The following MFSD12 variants were observed in gnomAD, a reference collection of about 807,000 sequenced individuals.
The protein encoded by MFSD12 is major facilitator superfamily domain containing 12.
MFSD12 carries 67 observed loss-of-function variants against 51.2 expected under a neutral mutation model. The ratio of observed to expected loss-of-function variants is 1.31; its 90% confidence interval spans 1.08 to 1.60. The LOEUF (loss-of-function observed/expected upper bound fraction) is 1.60, where lower values mean the gene tolerates loss of function less well. MFSD12 is among the 40% of genes most tolerant of loss of function. The probability of loss-of-function intolerance (pLI) is 0.00; values close to 1 mark genes in which losing one functional copy is unlikely to be tolerated. For synonymous variants in MFSD12, 441 were observed against 316.7 expected (o/e 1.39, Z -4.17); for missense variants, 921 against 673.0 (o/e 1.37, Z -4.08).
intron 1 of MFSD12, among the ~76,000 whole-genome samples, chr19:3,552,841 G>GT (rs2145216235): frequency 6.6e-6 from 1 of 152,286 alleles, no homozygotes; most frequent in South Asian, 2.1e-4. Flanking sequence ...GCCTGTAAGC[G>GT]TGGGTGTCAT....
In MFSD12 at chr19:3,546,357, C is replaced by T. The variant is rs1439153431; in HGVS notation, c.1092G>A (p.Leu364=). 1 of 1,607,822 alleles carries T rather than the reference C, an allele frequency of 6.2e-7. No individual in the cohort carries two copies. Among genetic ancestry groups the T allele is most frequent in the Non-Finnish European group, 8.5e-7 (1 of 1,177,934 alleles). The change falls in exon 7 of 10, where the codon CTG becomes CTA. Residue 364 remains leucine, a synonymous_variant. Transcript: ENST00000355415. ...CAGCCGCTGCGTACACGGCCACACC[C>T]AGTCCCTCCGCCAGCGCCACCCAGG... ...FAAWVALAEG[L]GVAVYAAAVL...
rs1255606034 is a variant in MFSD12 at position 3,551,573 on chromosome 19, G to A, written c.299-379C>T. ...CGGGAGGCCCAGGTGGGCCTGGGCT[G>A]GACCCCTCCTTAAGCTCCGCCATCC... On this transcript the variant is annotated intron_variant, in intron 1 of 9. Coordinates refer to ENST00000355415, the MANE Select transcript of MFSD12 (RefSeq NM_174983.5). The surrounding 1 kb of genome is among the most constrained non-coding windows in gnomAD (Gnocchi z 4.6). Among the ~76,000 whole-genome samples the A allele has an allele frequency of 6.6e-6, 1 of 152,102 alleles. No individual in the cohort carries two copies. The highest frequency in any genetic ancestry group is 1.9e-4 in the East Asian group (1 of 5,168).
In MFSD12 at chr19:3,538,570, G is replaced by A. The variant is rs150402261; in HGVS notation, c.*192C>T. ...CTGTGTCTGGTGTCTCTCACTGAGCGTGACATCCTCAAGGTGCATCCGCAC... is the reference window on the plus strand; with the variant it reads ...CTGTGTCTGGTGTCTCTCACTGAGCATGACATCCTCAAGGTGCATCCGCAC... On this transcript the variant is annotated 3_prime_UTR_variant, in exon 5 of 5. Coordinates refer to the MFSD12 transcript ENST00000398558. The A allele has an allele frequency of 2.7e-4, 109 of 403,256 alleles. 2 individuals carry two copies. The East Asian group carries it at 4.2e-3, about 16-fold the overall frequency. 25.0% of individuals were successfully genotyped at this position (403,256 alleles called of 1,614,324 possible).
In MFSD12 at chr19:3,551,391, G is replaced by A. The variant is rs1281941061; in HGVS notation, c.299-197C>T. On this transcript the variant is annotated intron_variant, in intron 1 of 9. Coordinates refer to ENST00000355415, the MANE Select transcript of MFSD12 (RefSeq NM_174983.5). This position sits in a 1 kb window ranked among gnomAD's most constrained non-coding sequence, Gnocchi z 4.6. Reference sequence around the variant, plus strand: ...GCCCCTGGTGACAAAAGGGGAATCTGACACCAGGTGCCTGGGCTCAGCCTG... The same window carrying A: ...GCCCCTGGTGACAAAAGGGGAATCTAACACCAGGTGCCTGGGCTCAGCCTG... Among the ~76,000 whole-genome samples, 2 of 152,222 alleles carry A rather than the reference G, an allele frequency of 1.3e-5. No individual in the cohort carries two copies. The highest frequency in any genetic ancestry group is 3.9e-4 in the East Asian group (2 of 5,194).
intron 8 of MFSD12, among the ~76,000 whole-genome samples, 154 bp from the exon 9 acceptor site, chr19:3,545,093 C>A (rs527460845): frequency 6.6e-6 from 1 of 152,140 alleles, no homozygotes; most frequent in Non-Finnish European, 1.5e-5. Context: ...TGTCCCACAC[C>A]CAACAGCTCG....
rs1001473630 is a variant in MFSD12 at position 3,551,639 on chromosome 19, C to T, written c.299-445G>A. Among the ~76,000 whole-genome samples the T allele has an allele frequency of 2.6e-5, 4 of 152,166 alleles. No homozygotes were observed. Among genetic ancestry groups the T allele is most frequent in the Non-Finnish European group, 5.9e-5 (4 of 68,004 alleles). ...GTGACCACTCCCTGGAATGCTGGGGCGTCCTGGCCTCCAGGGACAGTCAGG... is the reference window on the plus strand; with the variant it reads ...GTGACCACTCCCTGGAATGCTGGGGTGTCCTGGCCTCCAGGGACAGTCAGG... On this transcript the variant is annotated intron_variant, in intron 1 of 9. Transcript: ENST00000355415. This position sits in a 1 kb window ranked among gnomAD's most constrained non-coding sequence, Gnocchi z 4.6.
At chr19:3,548,797 GGCAC>G (rs1409198203) in intron 2 of MFSD12, among the ~76,000 whole-genome samples, 1 of 152,226 alleles carries the variant, frequency 6.6e-6, no homozygotes, top group South Asian at 2.1e-4. Context: ...GCAAAGCAAT[GGCAC>G]GTAGGAAGTG....
chr19:3,544,410 A>C lies in MFSD12; in HGVS notation c.*300T>G. ...CTGAGCTCAGGGTTAGGGTTCCCCC[A>C]GACCCTTCTGGGATTCCTACTTCCT... On this transcript the variant is annotated 3_prime_UTR_variant, in exon 10 of 10. Coordinates refer to ENST00000355415, the MANE Select transcript of MFSD12 (RefSeq NM_174983.5). 7.6e-7 allele frequency: 1 copy of C among 1,323,462 alleles called. No homozygotes were observed. The highest frequency in any genetic ancestry group is 2.9e-5 in the East Asian group (1 of 35,028). 82.0% of individuals were successfully genotyped at this position (1,323,462 alleles called of 1,614,324 possible). A position where few individuals can be genotyped will look rare whatever the true frequency, so the allele number is the denominator to read the frequency against.
chr19:3,539,055 A>G, intron 4 of MFSD12: 1 of 665,852 alleles, frequency 1.5e-6, no homozygotes, highest in East Asian at 2.7e-5. Context: ...CCTCGAGGCC[A>G]CCTCACCCCG....
At position 3,546,283 on chromosome 19, in the gene MFSD12, A is replaced by C. The variant is rs1211595924; in HGVS notation, c.1166T>G (p.Met389Arg). ...CATILVTSLA[M>R]TADLIGPHTN... ...GTGGGGACCGATGAGGTCGGCCGTCATGGCCAGCGAGGTGACGAGGATGGT... is the reference window on the plus strand; with the variant it reads ...GTGGGGACCGATGAGGTCGGCCGTCCTGGCCAGCGAGGTGACGAGGATGGT... The change falls in exon 7 of 10, where the codon ATG becomes AGG. Residue 389 changes from methionine (M) to arginine (R), a missense_variant. Physicochemically the swap from Met to Arg is moderately conservative, Grantham distance 91. Coordinates refer to ENST00000355415, the MANE Select transcript of MFSD12 (RefSeq NM_174983.5). 1 of 1,610,660 alleles carries C rather than the reference A, an allele frequency of 6.2e-7. No homozygotes were observed. Among genetic ancestry groups the C allele is most frequent in the Non-Finnish European group, 8.5e-7 (1 of 1,179,152 alleles).
downstream of MFSD12, chr19:3,539,465 G>A: frequency 1.8e-6 from 1 of 562,038 alleles, no homozygotes. Flanking sequence ...CTGGAGACAG[G>A]CCAAGAACAA....
intron 8 of MFSD12, 73 bp from the exon 9 acceptor site, chr19:3,545,012 T>TC: frequency 6.6e-7 from 1 of 1,509,390 alleles, no homozygotes; most frequent in Non-Finnish European, 8.8e-7. Flanking sequence ...AACCTGTGCC[T>TC]CCCCTCACCC....
At chr19:3,550,536 C>T (rs1221517511) in intron 2 of MFSD12, among the ~76,000 whole-genome samples, 9 of 151,980 alleles carry the variant, frequency 5.9e-5, no homozygotes, top group Non-Finnish European at 1.2e-4. Flanking sequence ...GGACTACAGG[C>T]GCCCACCACC....
In MFSD12 at chr19:3,544,284, A is replaced by T; in HGVS notation, c.*426T>A. 1 of 1,292,104 alleles carries T rather than the reference A, an allele frequency of 7.7e-7. No individual in the cohort carries two copies. The allele number at this position is 1,292,104 out of a possible 1,614,324, so 80.0% of individuals were successfully genotyped here. A position where few individuals can be genotyped will look rare whatever the true frequency, so the allele number is the denominator to read the frequency against. On this transcript the variant is annotated 3_prime_UTR_variant, in exon 10 of 10. Transcript: ENST00000355415. ...GCCCACCACGGTGGGGTCCAGGCCC[A>T]GCCCACCACCCCGTGGCTGTCTCCT...
At chr19:3,539,455 C>CT (rs1374049166), downstream of MFSD12, 5 of 572,134 alleles carry the variant, frequency 8.7e-6, no homozygotes, top group Admixed American at 3.0e-5. Flanking sequence ...GGCTACAGAC[C>CT]TGGAGACAGG....
downstream of MFSD12, chr19:3,543,630 G>A (rs764052909): frequency 1.4e-4 from 212 of 1,544,526 alleles, no homozygotes; most frequent in Non-Finnish European, 1.7e-4. Context: ...CCCAGCACCC[G>A]GTGGGGGAGC....
downstream of MFSD12, chr19:3,539,661 T>C (rs2122066172): frequency 5.0e-6 from 1 of 198,772 alleles, no homozygotes. Context: ...CCCCGGTCTC[T>C]GCTTCTGTCT....
chr19:3,557,293 G>T lies in MFSD12; in HGVS notation c.111C>A (p.Ser37=). 6.3e-7 allele frequency: 1 copy of T among 1,595,568 alleles called. No homozygotes were observed. The highest frequency in any genetic ancestry group is 1.1e-5 in the South Asian group (1 of 88,202). ...AGAGCAGCAGGTAGGTGAACCACAT[G>T]GACGCGCACAGGTCGTTGAGGAAGT... ...VGHFLNDLCA[S]MWFTYLLLYL... The change falls in exon 1 of 10, where the codon TCC becomes TCA. Residue 37 remains serine (S), a synonymous_variant. Coordinates refer to ENST00000355415, the MANE Select transcript of MFSD12 (RefSeq NM_174983.5).
Position 3,544,938 on chromosome 19 carries a change from AGCTGTGG to A in MFSD12, c.1290-6_1290del. 1 of 1,606,354 alleles carries A rather than the reference AGCTGTGG, an allele frequency of 6.2e-7. No homozygotes were observed. ...ACGCAGGCCCTGCAGCAGAGCTCTG[AGCTGTGG>A]GAGGAGGCGGGGGATGAGTAGGCAC... On this transcript the variant is annotated splice_acceptor_variant and splice_polypyrimidine_tract_variant and coding_sequence_variant and intron_variant, in exon 9 of 10. Transcript: ENST00000355415. LOFTEE classifies it high-confidence loss of function.
Sources: allele counts gnomAD v4.1 joint callset (sites outside exome capture counted in the v4.1 genomes callset), GRCh38; gene constraint gnomAD v4.1.1; non-coding constraint Gnocchi (gnomAD v3.1); transcripts MANE v1.5; gene names NCBI Gene and HGNC (gene_info 2026-07-23, HGNC 2026-07-21).